Variants in STPG2 observed in about 807,000 individuals in gnomAD.
STPG2 encodes sperm tail PG-rich repeat containing 2.
Under a neutral mutation model 54.2 loss-of-function variants are expected in STPG2, and 56 were observed. The ratio of observed to expected loss-of-function variants is 1.03; its 90% CI spans 0.83 to 1.29. The LOEUF is 1.29. Ranked by LOEUF, STPG2 falls within the 50% of genes most tolerant of loss-of-function variation. The pLI, the probability that STPG2 is intolerant of heterozygous loss-of-function variation, is 0.00. For synonymous variants in STPG2, 200 were observed against 181.8 expected (o/e 1.10, Z -0.81); for missense variants, 596 against 544.9 (o/e 1.09, Z -0.93).
intron 10 of STPG2, among the ~76,000 whole-genome samples, chr4:97,646,526 A>G (rs961838857): frequency 7.9e-5 from 12 of 152,284 alleles, no homozygotes; most frequent in East Asian, 7.7e-4. Flanking sequence ...AACCAGGAAC[A>G]TTAGGACCTT....
At chr4:97,862,229 C>T (rs1729578177) in intron 8 of STPG2, among the ~76,000 whole-genome samples, 1 of 149,020 alleles carries the variant, frequency 6.7e-6, no homozygotes, top group Non-Finnish European at 1.5e-5. Flanking sequence ...CACATAGGCT[C>T]AAAATAAAGG....
intron 10 of STPG2, among the ~76,000 whole-genome samples, chr4:97,663,847 G>A (rs1722446134): frequency 6.6e-6 from 1 of 152,098 alleles, no homozygotes; most frequent in South Asian, 2.1e-4. Context: ...TGATGAATTT[G>A]TAATCTTAAA....
intron 5 of STPG2, among the ~76,000 whole-genome samples, chr4:98,104,158 G>A (rs549484835): frequency 9.2e-5 from 14 of 152,204 alleles, no homozygotes; most frequent in Non-Finnish European, 1.8e-4. Flanking sequence ...TCAGCATTTA[G>A]TTGTGTATAT....
At chr4:97,868,019 C>A (rs1729854864) in intron 8 of STPG2, among the ~76,000 whole-genome samples, 1 of 151,858 alleles carries the variant, frequency 6.6e-6, no homozygotes. Flanking sequence ...ATTGTAAAAG[C>A]AACTTGAAGT....
intron 4 of STPG2, among the ~76,000 whole-genome samples, chr4:97,513,682 T>C (rs192975340): frequency 2.0e-5 from 3 of 152,284 alleles, no homozygotes; most frequent in East Asian, 3.9e-4. Context: ...ATTTCAAAAA[T>C]TTAATTCTAA....
intron 6 of STPG2, among the ~76,000 whole-genome samples, chr4:97,978,663 A>T (rs1734572561): frequency 6.6e-6 from 1 of 152,212 alleles, no homozygotes; most frequent in African/African-American, 2.4e-5. Flanking sequence ...CTTAAAATAA[A>T]AGTTAAAAAT....
At chr4:97,853,183 G>C (rs1288117409) in intron 8 of STPG2, among the ~76,000 whole-genome samples, 1 of 151,556 alleles carries the variant, frequency 6.6e-6, no homozygotes, top group Non-Finnish European at 1.5e-5. Flanking sequence ...TTTCACCGTG[G>C]TCTAGATCTC....
rs1193385588 is a variant in STPG2, at chr4:97,849,087, G to A, written c.1045-8155C>T. Among the ~76,000 whole-genome samples the A allele has an allele frequency of 4.0e-5, 6 of 151,198 alleles. No homozygotes were observed. In the East Asian group the frequency reaches 1.2e-3, roughly 30 times the overall value. ...TGGCATTGAATATGTAAATTACCTT[G>A]GGCAGTATGGCCATTTTCACGATAT... On this transcript the variant is annotated intron_variant, in intron 8 of 10. Transcript: ENST00000295268.
At chr4:97,830,485 C>A (rs903103950) in intron 9 of STPG2, among the ~76,000 whole-genome samples, 1 of 151,956 alleles carries the variant, frequency 6.6e-6, no homozygotes, top group Non-Finnish European at 1.5e-5. Context: ...AAAATAAGCA[C>A]CTAGCATCAT....
intron 10 of STPG2, among the ~76,000 whole-genome samples, chr4:97,663,906 T>G (rs1722447961): frequency 6.6e-6 from 1 of 152,164 alleles, no homozygotes. Context: ...ATGTTAATAC[T>G]TAGTTTAAAT....
intron 5 of STPG2, among the ~76,000 whole-genome samples, chr4:98,100,071 C>G (rs1410261010): frequency 6.6e-6 from 1 of 152,020 alleles, no homozygotes; most frequent in Non-Finnish European, 1.5e-5. Context: ...AATGATGATA[C>G]TATAGCACTT....
At chr4:97,465,349 A>G (rs1198980663) in intron 4 of STPG2, among the ~76,000 whole-genome samples, 1 of 152,136 alleles carries the variant, frequency 6.6e-6, no homozygotes, top group East Asian at 1.9e-4. Context: ...CATTTTGTCC[A>G]GATTTTTCTT....
At chr4:97,542,048 G>T (rs1213285738) in intron 4 of STPG2, among the ~76,000 whole-genome samples, 1 of 152,100 alleles carries the variant, frequency 6.6e-6, no homozygotes, top group Non-Finnish European at 1.5e-5. Context: ...TACCATTCAG[G>T]ACATAGGCAT....
At chr4:97,606,932 C>A (rs768998287) in intron 10 of STPG2, among the ~76,000 whole-genome samples, 1 of 151,870 alleles carries the variant, frequency 6.6e-6, no homozygotes, top group Non-Finnish European at 1.5e-5. Context: ...GGCTAAAATT[C>A]ATATCAGATG....
intron 10 of STPG2, among the ~76,000 whole-genome samples, chr4:97,676,946 A>T (rs1241950307): frequency 6.6e-6 from 1 of 152,176 alleles, no homozygotes; most frequent in African/African-American, 2.4e-5. Context: ...TTTATCAGAG[A>T]GTAAGAAGAG....
intron 10 of STPG2, among the ~76,000 whole-genome samples, chr4:97,668,083 T>C (rs1283573000): frequency 6.6e-6 from 1 of 152,168 alleles, no homozygotes; most frequent in Admixed American, 6.5e-5. Flanking sequence ...AGTTTATTTA[T>C]AGTATGAGTC....
intron 7 of STPG2, among the ~76,000 whole-genome samples, chr4:97,971,845 A>T (rs1481961375): frequency 6.7e-6 from 1 of 148,204 alleles, no homozygotes; most frequent in Non-Finnish European, 1.5e-5. Context: ...AAAAAAATAG[A>T]ATCCCGTATG....
At chr4:97,633,400 A>G (rs1721366436) in intron 10 of STPG2, 1 of 152,200 alleles carries the variant, frequency 6.6e-6, no homozygotes, top group South Asian at 2.1e-4. Flanking sequence ...CATACTCAAT[A>G]AAGTAATGAA....
intron 9 of STPG2, among the ~76,000 whole-genome samples, chr4:97,776,461 C>CGGAGTAA (rs1414399334): frequency 2.0e-4 from 30 of 152,266 alleles, no homozygotes; most frequent in Admixed American, 5.2e-4. Context: ...ACTTATTTTC[C>CGGAGTAA]ACTCCCATTA....
Sources: allele counts gnomAD v4.1 joint callset (sites outside exome capture counted in the v4.1 genomes callset), GRCh38; gene constraint gnomAD v4.1.1; transcripts MANE v1.5; gene names NCBI Gene and HGNC (gene_info 2026-07-23, HGNC 2026-07-21).